FANCM: variants seen among roughly 807,000 people sequenced by gnomAD.
FANCM encodes the protein FA complementation group M, also known as Fanconi anemia group M protein.
FANCM carries 140 observed loss-of-function variants against 199.5 expected under a neutral mutation model. The observed-to-expected ratio is 0.70, with a 90% CI of 0.61 to 0.81. The LOEUF is 0.81. Ranked by LOEUF, FANCM falls within the 30% of genes least tolerant of loss-of-function variation. The pLI, the probability that FANCM is intolerant of heterozygous loss-of-function variation, is 0.00. For missense variants in FANCM, 2,410 were observed against 2,421.4 expected, an observed-to-expected ratio of 1.00 and a Z score of 0.10; for synonymous variants, 840 against 836.8, an observed-to-expected ratio of 1.00 and a Z score of -0.07.
At chr14:45,189,439 T>C in intron 20 of FANCM, 77 bp downstream of exon 20, 1 of 1,186,226 alleles carries the variant, frequency 8.4e-7, no homozygotes, top group Non-Finnish European at 1.2e-6. Context: ...GTGTGTGTTT[T>C]GTATTAAATA....
intron 1 of FANCM, 42 bp from the exon 2 acceptor site, chr14:45,137,024 TAAC>T: frequency 7.2e-7 from 1 of 1,388,824 alleles, no homozygotes; most frequent in Non-Finnish European, 1.0e-6. Context: ...ATTTTATAGA[TAAC>T]AGTCTGAAGT....
chr14:45,146,978 C>T (rs1341605060), intron 3 of FANCM, among the ~76,000 whole-genome samples: 17 of 150,952 alleles, frequency 1.1e-4, no homozygotes, highest in Admixed American at 1.1e-3. Flanking sequence ...TTATTTTGGT[C>T]TTTCAGCGCC....
At chr14:45,147,415 G>A (rs753000449) in intron 3 of FANCM, among the ~76,000 whole-genome samples, 1 of 151,688 alleles carries the variant, frequency 6.6e-6, no homozygotes, top group African/African-American at 2.4e-5. Context: ...GTGTTCAAGT[G>A]ATACTTCAGC....
chr14:45,183,888 CAG>C lies in FANCM; in HGVS notation c.4504_4505del (p.His1503LeufsTer6), dbSNP rs1566775922. 7.5e-6 allele frequency: 12 copies of C among 1,610,020 alleles called. No individual in the cohort carries two copies. The highest frequency in any genetic ancestry group is 1.7e-5 in the Admixed American group (1 of 59,932). ...AAGAGGCATCAAAGTCCCAAAGAGACAGAGTCACTTAAAGGTAATCTTTTTTT... is the reference window on the plus strand; with the variant it reads ...AAGAGGCATCAAAGTCCCAAAGAGACAGTCACTTAAAGGTAATCTTTTTTT... Reference protein sequence around the residue: ...ARRGIKVPKRQSHLKHVARKF... With the variant: ...ARRGIKVPKRXSHLKHVARKF... On this transcript the variant is annotated frameshift_variant, in exon 17 of 23. Transcript: ENST00000267430. LOFTEE classifies it high-confidence loss of function.
At chr14:45,146,050 C>T (rs1401700929) in intron 3 of FANCM, among the ~76,000 whole-genome samples, 4 of 140,556 alleles carry the variant, frequency 2.8e-5, no homozygotes, top group African/African-American at 1.1e-4. Context: ...CAGAGCGAGA[C>T]TCCGTCTCAA....
At chr14:45,192,269 T>C (rs751301453) in intron 20 of FANCM, among the ~76,000 whole-genome samples, 13 of 152,220 alleles carry the variant, frequency 8.5e-5, no homozygotes, top group Non-Finnish European at 8.8e-5. Flanking sequence ...GTTAGGCTGA[T>C]ATTTAAGGAA....
At chr14:45,185,988 T>G (rs1489091452) in intron 18 of FANCM, among the ~76,000 whole-genome samples, 3 of 152,212 alleles carry the variant, frequency 2.0e-5, no homozygotes, top group African/African-American at 7.2e-5. Flanking sequence ...AGCCTTGAAC[T>G]CCTAGGCTCG....
chr14:45,183,965 A>C, intron 17 of FANCM, 63 bp downstream of exon 17: 1 of 1,239,394 alleles, frequency 8.1e-7, no homozygotes, highest in Non-Finnish European at 1.2e-6. Flanking sequence ...AATTGGTTTT[A>C]CATCAATGTA....
chr14:45,182,066 A>G (rs1016251243), intron 16 of FANCM, among the ~76,000 whole-genome samples: 1 of 152,240 alleles, frequency 6.6e-6, no homozygotes, highest in African/African-American at 2.4e-5. Context: ...AAGTTACTCA[A>G]TAGGAGAGAC....
rs760909397 is a variant in FANCM at position 45,176,247 on chromosome 14, A to G, written c.3493A>G (p.Thr1165Ala). 6.2e-7 allele frequency: 1 copy of G among 1,613,974 alleles called. No individual in the cohort carries two copies. Among genetic ancestry groups the G allele is most frequent in the Non-Finnish European group, 8.5e-7 (1 of 1,179,970 alleles). ...KSESLPVSDK[T>A]AISETPLVSQ... ...CGAATCTTTACCTGTGTCAGACAAA[A>G]CTGCTATTAGTGAAACGCCTCTGGT... Residue 1165 changes from threonine to alanine, a missense_variant, in exon 14 of 23, where the codon ACT becomes GCT. Coordinates refer to ENST00000267430, the MANE Select transcript of FANCM (RefSeq NM_020937.4).
intron 4 of FANCM, among the ~76,000 whole-genome samples, chr14:45,149,696 T>C (rs936781963): frequency 6.6e-6 from 1 of 152,148 alleles, no homozygotes; most frequent in African/African-American, 2.4e-5. Flanking sequence ...TATTGAAATA[T>C]ATTTTCACTG....
chr14:45,172,213 T>A (rs2139232004), intron 12 of FANCM, among the ~76,000 whole-genome samples: 1 of 152,306 alleles, frequency 6.6e-6, no homozygotes, highest in East Asian at 1.9e-4. Context: ...GATTTTCTCC[T>A]ACCCTGTGGG....
intron 9 of FANCM, among the ~76,000 whole-genome samples, chr14:45,160,364 C>T (rs1236121978): frequency 6.7e-6 from 1 of 150,104 alleles, no homozygotes; most frequent in Non-Finnish European, 1.5e-5. Context: ...TCTCTGTCGC[C>T]CAGGGTGGAG....
rs1566762159 is a variant in FANCM, at chr14:45,175,343, AG to A, written c.2590del (p.Asp864IlefsTer12). ...AAAAAGTGTCTAAAGAAATAAAAAA[AG>A]ATCAGCTTAAAAAAGAAAATAATCA... Reference protein sequence around the residue: ...KKKVSKEIKKDQLKKENNHGI... With the variant: ...KKKVSKEIKKXQLKKENNHGI... On this transcript the variant is annotated frameshift_variant, in exon 14 of 23. Transcript: ENST00000267430. LOFTEE classifies it high-confidence loss of function. 2.6e-6 allele frequency: 4 copies of A among 1,558,834 alleles called. No individual in the cohort carries two copies. The highest frequency in any genetic ancestry group is 1.2e-5 in the South Asian group (1 of 83,170).
intron 10 of FANCM, among the ~76,000 whole-genome samples, chr14:45,166,722 G>T (rs1888002044): frequency 6.7e-6 from 1 of 150,060 alleles, no homozygotes. Context: ...GCTGCAGTGA[G>T]CCCTGATCAC....
At chr14:45,185,976 G>T (rs565465649) in intron 18 of FANCM, among the ~76,000 whole-genome samples, 1 of 152,236 alleles carries the variant, frequency 6.6e-6, no homozygotes, top group Admixed American at 6.5e-5. Context: ...ATAGTTCACT[G>T]CAGCCTTGAA....
At chr14:45,141,596 T>C (rs947642091) in intron 3 of FANCM, among the ~76,000 whole-genome samples, 16 of 139,978 alleles carry the variant, frequency 1.1e-4, no homozygotes, top group African/African-American at 3.0e-4. Flanking sequence ...TTCTTTCTCT[T>C]TTTTTTTTTT....
At position 45,148,200 on chromosome 14, in the gene FANCM, A is replaced by AACACACACACACACACACACACAC. The variant is rs200351777; in HGVS notation, c.760-625_760-602dup. On this transcript the variant is annotated intron_variant, in intron 3 of 22. Coordinates refer to ENST00000267430, the MANE Select transcript of FANCM (RefSeq NM_020937.4). ...TGACAGAACGAGGCACCGTCTCAAA[A>AACACACACACACACACACACACAC]ACACACACACACACACACACACACA... is the stretch of plus-strand genomic sequence containing the variant. 5.6e-5 allele frequency among the ~76,000 whole-genome samples: 8 copies of AACACACACACACACACACACACAC among 142,436 alleles called. 1 individual carries two copies. The highest frequency in any genetic ancestry group is 1.8e-4 in the African/African-American group (7 of 38,436). 93.4% of individuals were successfully genotyped at this position (142,436 alleles called of 152,430 possible). A position where few individuals can be genotyped will look rare whatever the true frequency, so the allele number is the denominator to read the frequency against.
chr14:45,162,306 A>G (rs1283406198), intron 9 of FANCM, among the ~76,000 whole-genome samples: 1 of 152,168 alleles, frequency 6.6e-6, no homozygotes, highest in African/African-American at 2.4e-5. Flanking sequence ...GAATTAGGGA[A>G]TATCAGGAGC....
Sources: allele counts gnomAD v4.1 joint callset (sites outside exome capture counted in the v4.1 genomes callset), GRCh38; gene constraint gnomAD v4.1.1; transcripts MANE v1.5; gene names NCBI Gene and HGNC (gene_info 2026-07-23, HGNC 2026-07-21).